THAP4: variants seen among roughly 807,000 people sequenced by gnomAD.
THAP4 encodes peroxynitrite isomerase THAP4.
Under a neutral mutation model 48.1 loss-of-function variants are expected in THAP4, and 18 were observed. The observed-to-expected ratio is 0.37, with a 90% CI of 0.26 to 0.56. THAP4 has a LOEUF of 0.56. THAP4 is among the 20% of genes least tolerant of loss of function. The probability of loss-of-function intolerance (pLI) is 0.78; values close to 1 mark genes in which losing one functional copy is unlikely to be tolerated. For synonymous variants in THAP4, 345 were observed against 324.9 expected, an observed-to-expected ratio of 1.06 and a Z score of -0.66; for missense variants, 656 against 774.9, an observed-to-expected ratio of 0.85 and a Z score of 1.82.
chr2:241,606,162 C>A, intron 3 of THAP4, 152 bp downstream of exon 3: 1 of 618,650 alleles, frequency 1.6e-6, no homozygotes, highest in Non-Finnish European at 2.5e-6. Flanking sequence ...CTCAGTTGCA[C>A]ATTCAGGCAA....
Position 241,636,979 on chromosome 2 carries a change from C to A in THAP4, c.39G>T (p.Arg13=), listed in dbSNP as rs1344918681. The part of the protein sequence containing the change: ...ICCAAVNCSN[R]QGKGEKRAVS... ...CGGCGCGCTTCTCGCCCTTTCCCTG[C>A]CGGTTGGAGCAGTTCACGGCCGCAC... The change falls in exon 1 of 6, where the codon CGG becomes CGT. Residue 13 remains arginine (R), a synonymous_variant. Transcript: ENST00000407315. 7 of 1,327,006 alleles carry A rather than the reference C, an allele frequency of 5.3e-6. No individual in the cohort carries two copies. In the African/African-American group the frequency reaches 6.2e-5, roughly 12 times the overall value. 82.2% of individuals were successfully genotyped at this position (1,327,006 alleles called of 1,614,324 possible).
intron 5 of THAP4, among the ~76,000 whole-genome samples, chr2:241,586,051 C>T (rs915020044): frequency 1.3e-5 from 2 of 150,816 alleles, no homozygotes; most frequent in Non-Finnish European, 1.5e-5. Context: ...GTAAGGAGAT[C>T]GAGACCATCC....
At chr2:241,619,710 T>G (rs2067387155) in intron 2 of THAP4, among the ~76,000 whole-genome samples, 2 of 136,800 alleles carry the variant, frequency 1.5e-5, no homozygotes, top group African/African-American at 2.8e-5. Context: ...AGTCGGTGAG[T>G]GAAGGGTGAG....
In THAP4 at chr2:241,610,622, G is replaced by C. The variant is rs2067258240; in HGVS notation, c.1241-4149C>G. ...TTCCCCAGCCACGGGGTCTTCTCCC[G>C]GCCCCTCATCTACTTGGCAGACGCC... On this transcript the variant is annotated intron_variant, in intron 2 of 5. Transcript: ENST00000407315. This position sits in a 1 kb window ranked among gnomAD's most constrained non-coding sequence, Gnocchi z 4.2. 6.6e-6 allele frequency among the ~76,000 whole-genome samples: 1 copy of C among 150,880 alleles called. No individual in the cohort carries two copies. Among genetic ancestry groups the C allele is most frequent in the Non-Finnish European group, 1.5e-5 (1 of 67,748 alleles).
intron 2 of THAP4, among the ~76,000 whole-genome samples, chr2:241,630,903 G>A (rs1354003190): frequency 2.0e-5 from 3 of 151,984 alleles, no homozygotes; most frequent in African/African-American, 2.4e-5. Context: ...ATAGGGGCCT[G>A]TAATCCTAGC....
chr2:241,588,051 G>GGGAA (rs1420813064), intron 5 of THAP4, among the ~76,000 whole-genome samples: 1 of 151,178 alleles, frequency 6.6e-6, no homozygotes, highest in East Asian at 1.9e-4. Context: ...GAGGGAGGGA[G>GGGAA]GGAAGGAAAA....
Position 241,612,889 on chromosome 2 carries a change from G to A in THAP4, c.1241-6416C>T, listed in dbSNP as rs2067295103. Among the ~76,000 whole-genome samples the A allele has an allele frequency of 6.6e-6, 1 of 152,194 alleles. No individual in the cohort carries two copies. The highest frequency in any genetic ancestry group is 6.5e-5 in the Admixed American group (1 of 15,280). On this transcript the variant is annotated intron_variant, in intron 2 of 5. Coordinates refer to ENST00000407315, the MANE Select transcript of THAP4 (RefSeq NM_015963.6). This position sits in a 1 kb window ranked among gnomAD's most constrained non-coding sequence, Gnocchi z 4.1. ...GGCGCGTGAGCTGGCTCACTGACACGTGCAGTGAGTGCGAGCTACAAACTA... is the reference window on the plus strand; with the variant it reads ...GGCGCGTGAGCTGGCTCACTGACACATGCAGTGAGTGCGAGCTACAAACTA...
chr2:241,594,983 AC>A (rs1180587701), intron 5 of THAP4, among the ~76,000 whole-genome samples: 1 of 152,166 alleles, frequency 6.6e-6, no homozygotes, highest in Non-Finnish European at 1.5e-5. Flanking sequence ...AGAATTGCAC[AC>A]TGTGAGCGAT....
chr2:241,607,046 G>A lies in THAP4; in HGVS notation c.1241-573C>T, dbSNP rs182554138. Among the ~76,000 whole-genome samples, 175 of 152,248 alleles carry A rather than the reference G, an allele frequency of 1.1e-3. 3 individuals carry two copies. The highest frequency in any genetic ancestry group is 4.1e-3 in the African/African-American group (169 of 41,544). ...AGAGTGTGAGGGCCCAGGGGCAGGC[G>A]GGGTTTAAAAGGGAAGTAAGACCCC... On this transcript the variant is annotated intron_variant, in intron 2 of 5. Coordinates refer to ENST00000407315, the MANE Select transcript of THAP4 (RefSeq NM_015963.6).
intron 2 of THAP4, among the ~76,000 whole-genome samples, chr2:241,632,506 A>T (rs1471096554): frequency 6.6e-6 from 1 of 152,214 alleles, no homozygotes; most frequent in Non-Finnish European, 1.5e-5. Flanking sequence ...CCTCCTCATG[A>T]TTTTAACAGT....
Position 241,606,419 on chromosome 2 carries a change from C to T in THAP4, c.1295G>A (p.Trp432Ter). ...CCCGGCTCCAGGTGGGTCCGACAGC[C>T]AGGTGCCCAGCATCCAGGACAGTGG... ...VEPLSWMLGT[W>*]LSDPPGAGTY... Residue 432 changes from tryptophan to a stop codon, truncating the protein, a stop_gained, in exon 3 of 6, where the codon TGG (tryptophan) becomes TAG (stop). Coordinates refer to ENST00000407315, the MANE Select transcript of THAP4 (RefSeq NM_015963.6). LOFTEE classifies it high-confidence loss of function. 1 of 1,607,910 alleles carries T rather than the reference C, an allele frequency of 6.2e-7. No individual in the cohort carries two copies. Among genetic ancestry groups the T allele is most frequent in the Non-Finnish European group, 8.5e-7 (1 of 1,177,174 alleles).
Position 241,633,046 on chromosome 2 carries a change from C to T in THAP4, c.1111G>A (p.Gly371Ser), listed in dbSNP as rs757706715. 4.3e-6 allele frequency: 7 copies of T among 1,613,858 alleles called. No homozygotes were observed. Among genetic ancestry groups the T allele is most frequent in the African/African-American group, 2.7e-5 (2 of 74,950 alleles). ...CLREQVEKKNGELKSLRQRVS... is the reference protein window; with the variant it reads ...CLREQVEKKNSELKSLRQRVS... ...CTCTGCCGCAGGCTCTTCAGCTCGC[C>T]GTTCTTCTTCTCCACCTGCTCCCGC... The change falls in exon 2 of 6, where the codon GGC becomes AGC. Residue 371 changes from glycine to serine, a missense_variant. Physicochemically the swap from Gly to Ser is moderately conservative, Grantham distance 56. Transcript: ENST00000407315. The surrounding 1 kb of genome is among the most constrained non-coding windows in gnomAD (Gnocchi z 7.5).
rs931788676 is a variant in THAP4, at chr2:241,612,787, C to T, written c.1241-6314G>A. 6.6e-6 allele frequency among the ~76,000 whole-genome samples: 1 copy of T among 152,140 alleles called. No homozygotes were observed. The highest frequency in any genetic ancestry group is 1.5e-5 in the Non-Finnish European group (1 of 68,028). ...TCTGTGGCAGAAGACGCTAGAGTCA[C>T]ACGTAGAAGGCGCATGAGGAGGGAA... On this transcript the variant is annotated intron_variant, in intron 2 of 5. Coordinates refer to ENST00000407315, the MANE Select transcript of THAP4 (RefSeq NM_015963.6). The surrounding 1 kb of genome is among the most constrained non-coding windows in gnomAD (Gnocchi z 4.1).
chr2:241,631,426 G>T (rs1459108406), intron 2 of THAP4, among the ~76,000 whole-genome samples: 2 of 152,054 alleles, frequency 1.3e-5, no homozygotes, highest in Admixed American at 6.6e-5. Context: ...GTAAAATATG[G>T]GAAAAAACAG....
In THAP4 at chr2:241,634,066, C is replaced by T; in HGVS notation, c.91G>A (p.Asp31Asn). Residue 31 changes from aspartate to asparagine, a missense_variant, in exon 2 of 6, where the codon GAC becomes AAC. Transcript: ENST00000407315. ...AACCATTGGATTAGACGTTTTGAGT[C>T]CTTTAGGGGGAACCTACAGGACAAA... Reference protein sequence around the residue: ...AVSFHRFPLKDSKRLIQWLKA... With the variant: ...AVSFHRFPLKNSKRLIQWLKA... The T allele has an allele frequency of 6.4e-7, 1 of 1,569,656 alleles. No individual in the cohort carries two copies.
intron 2 of THAP4, among the ~76,000 whole-genome samples, chr2:241,618,175 G>C (rs1388430476): frequency 6.6e-6 from 1 of 152,232 alleles, no homozygotes; most frequent in Non-Finnish European, 1.5e-5. Context: ...AGGCATACCA[G>C]CAGGGAACTG....
intron 5 of THAP4, among the ~76,000 whole-genome samples, chr2:241,590,275 T>G (rs1424998303): frequency 6.7e-6 from 1 of 149,006 alleles, no homozygotes. Context: ...TAATGGGCAC[T>G]AGGACACTCA....
chr2:241,635,665 G>A (rs148175857), intron 1 of THAP4, among the ~76,000 whole-genome samples: 59 of 152,198 alleles, frequency 3.9e-4, no homozygotes, highest in Non-Finnish European at 7.5e-4. Context: ...AGCTACTTGG[G>A]AGGCTGAAGC....
rs1231972895 is a variant in THAP4 at position 241,616,103 on chromosome 2, T to C, written c.1241-9630A>G. ...AGCACAGCTGGCTCCTCAGAAGAAC[T>C]GGGCTTATCTGAAGTCTGGTCAAGT... is the stretch of plus-strand genomic sequence containing the variant. On this transcript the variant is annotated intron_variant, in intron 2 of 5. Transcript: ENST00000407315. The surrounding 1 kb of genome is among the most constrained non-coding windows in gnomAD (Gnocchi z 4.6). Among the ~76,000 whole-genome samples, 1 of 152,218 alleles carries C rather than the reference T, an allele frequency of 6.6e-6. No homozygotes were observed. Among genetic ancestry groups the C allele is most frequent in the African/African-American group, 2.4e-5 (1 of 41,452 alleles).
Sources: allele counts gnomAD v4.1 joint callset (sites outside exome capture counted in the v4.1 genomes callset), GRCh38; gene constraint gnomAD v4.1.1; non-coding constraint Gnocchi (gnomAD v3.1); transcripts MANE v1.5; gene names NCBI Gene and HGNC (gene_info 2026-07-23, HGNC 2026-07-21).